The following SAMSN1 variants were observed in gnomAD, a reference collection of about 807,000 sequenced individuals.
SAMSN1 encodes SAM domain, SH3 domain and nuclear localization signals 1, also known as SAM domain-containing protein SAMSN-1.
SAMSN1 carries 31 observed loss-of-function variants against 42.0 expected under a neutral mutation model. That is an observed-to-expected ratio of 0.74 (90% CI 0.55 to 1.00). The LOEUF (loss-of-function observed/expected upper bound fraction) is 1.00. Ranked by LOEUF, SAMSN1 falls within the 50% of genes least tolerant of loss-of-function variation. SAMSN1 has a pLI of 0.00. For missense variants in SAMSN1, 464 were observed against 439.4 expected (o/e 1.06, Z -0.50); for synonymous variants, 178 against 151.9 (o/e 1.17, Z -1.26).
intron 1 of SAMSN1, among the ~76,000 whole-genome samples, chr21:14,654,175 G>A (rs554816343): frequency 6.6e-6 from 1 of 151,920 alleles, no homozygotes; most frequent in South Asian, 2.1e-4. Flanking sequence ...AAAGAGAGAG[G>A]TAGACAGTAT....
At chr21:14,589,766 T>A (rs1982024097) in intron 7 of SAMSN1, among the ~76,000 whole-genome samples, 1 of 151,930 alleles carries the variant, frequency 6.6e-6, no homozygotes, top group African/African-American at 2.4e-5. Flanking sequence ...TTGAATGAAG[T>A]AAAAAACAAA....
intron 2 of SAMSN1, among the ~76,000 whole-genome samples, chr21:14,578,824 T>C (rs1981597868): frequency 6.6e-6 from 1 of 151,956 alleles, no homozygotes; most frequent in Non-Finnish European, 1.5e-5. Context: ...CATATCTGCA[T>C]ATCTTGGCAC....
At chr21:14,601,786 T>C (rs1182685863) in intron 6 of SAMSN1, among the ~76,000 whole-genome samples, 3 of 152,224 alleles carry the variant, frequency 2.0e-5, no homozygotes, top group Non-Finnish European at 2.9e-5. Context: ...CAAAAGGCTG[T>C]ACAACATGAT....
intron 2 of SAMSN1, among the ~76,000 whole-genome samples, chr21:14,581,525 A>AT (rs1362770168): frequency 6.7e-6 from 1 of 149,930 alleles, no homozygotes; most frequent in African/African-American, 2.4e-5. Context: ...CGCCCGGCTA[A>AT]TTTTTTTGTA....
chr21:14,520,111 C>A (rs1358000223), intron 2 of SAMSN1, among the ~76,000 whole-genome samples: 1 of 152,142 alleles, frequency 6.6e-6, no homozygotes, highest in Non-Finnish European at 1.5e-5. Flanking sequence ...CTTATTTCAT[C>A]GTGAGTGCTC....
At chr21:14,529,704 T>C (rs1237733914) in intron 1 of SAMSN1, among the ~76,000 whole-genome samples, 1 of 152,132 alleles carries the variant, frequency 6.6e-6, no homozygotes, top group African/African-American at 2.4e-5. Flanking sequence ...TACACAAATA[T>C]AGAATCAATT....
At chr21:14,578,546 G>T (rs925862411) in intron 2 of SAMSN1, among the ~76,000 whole-genome samples, 1 of 151,918 alleles carries the variant, frequency 6.6e-6, no homozygotes, top group African/African-American at 2.4e-5. Flanking sequence ...AGCCGGGCAT[G>T]GTGGCGGGCA....
At chr21:14,602,706 A>C (rs1982467601) in intron 5 of SAMSN1, among the ~76,000 whole-genome samples, 1 of 152,208 alleles carries the variant, frequency 6.6e-6, no homozygotes. Context: ...ACAAGACTTT[A>C]TGGGTCACTT....
intron 7 of SAMSN1, among the ~76,000 whole-genome samples, chr21:14,494,437 A>G (rs1986824586): frequency 6.6e-6 from 1 of 152,186 alleles, no homozygotes; most frequent in African/African-American, 2.4e-5. Context: ...GGAAACCATC[A>G]TTCTCAGCAA....
intron 2 of SAMSN1, among the ~76,000 whole-genome samples, chr21:14,578,704 A>AC (rs1981590542): frequency 3.3e-4 from 1 of 3,014 alleles, no homozygotes; most frequent in East Asian, 6.3e-3. Flanking sequence ...AAAAAAAAAA[A>AC]AGACCCCAAG....
At chr21:14,518,182 G>GGAATAT (rs2123021599) in intron 2 of SAMSN1, among the ~76,000 whole-genome samples, 1 of 152,278 alleles carries the variant, frequency 6.6e-6, no homozygotes, top group South Asian at 2.1e-4. Flanking sequence ...TCATATAATA[G>GGAATAT]GAGAGTAATT....
Position 14,485,986 on chromosome 21 carries a change from C to A in SAMSN1, c.1048G>T (p.Gly350Cys). 6.2e-7 allele frequency: 1 copy of A among 1,613,632 alleles called. No individual in the cohort carries two copies. ...CYISSGNSDNGKEDLESENLS... is the reference protein window; with the variant it reads ...CYISSGNSDNCKEDLESENLS... ...TTTTCAGACTCCAGATCCTCTTTGC[C>A]ATTATCTGAATTTCCTGATGAGATA... Residue 350 changes from glycine (G) to cysteine (C), a missense_variant, in exon 8 of 8, where the codon GGC becomes TGC. Transcript: ENST00000400566.
intron 1 of SAMSN1, among the ~76,000 whole-genome samples, chr21:14,528,092 T>G (rs894489371): frequency 1.3e-5 from 2 of 152,176 alleles, no homozygotes; most frequent in Non-Finnish European, 2.9e-5. Flanking sequence ...AGAATTGGTA[T>G]AATCAATTCT....
chr21:14,498,708 C>A (rs967575971), intron 6 of SAMSN1, 116 bp from the exon 7 acceptor site: 14 of 701,300 alleles, frequency 2.0e-5, no homozygotes, highest in Non-Finnish European at 2.6e-5. Context: ...GCCAATAGAA[C>A]TTTTACTTAA....
At chr21:14,577,272 A>ATT (rs1981527925) in intron 2 of SAMSN1, among the ~76,000 whole-genome samples, 1 of 49,602 alleles carries the variant, frequency 2.0e-5, no homozygotes, top group African/African-American at 1.2e-4. Flanking sequence ...ATATATATAT[A>ATT]TATATATATA....
chr21:14,537,236 T>C, intron 1 of SAMSN1, among the ~76,000 whole-genome samples: 1 of 152,202 alleles, frequency 6.6e-6, no homozygotes, highest in Non-Finnish European at 1.5e-5. Context: ...TTGCACTTGC[T>C]CTTCCCTCTG....
intron 5 of SAMSN1, among the ~76,000 whole-genome samples, chr21:14,509,953 C>A (rs1242652043): frequency 6.6e-6 from 1 of 151,952 alleles, no homozygotes; most frequent in African/African-American, 2.4e-5. Context: ...TCCTGGCTAA[C>A]ACGGTGAAAC....
At chr21:14,632,758 A>G (rs1171501896) in intron 2 of SAMSN1, among the ~76,000 whole-genome samples, 1 of 152,174 alleles carries the variant, frequency 6.6e-6, no homozygotes, top group Non-Finnish European at 1.5e-5. Flanking sequence ...TTAAGGTTTC[A>G]TCTGAAGGTT....
At chr21:14,609,895 C>T (rs536931819) in intron 4 of SAMSN1, among the ~76,000 whole-genome samples, 2 of 152,350 alleles carry the variant, frequency 1.3e-5, no homozygotes, top group African/African-American at 4.8e-5. Flanking sequence ...ACACTTATCA[C>T]TTCCCCAATC....
Sources: gnomAD v4.1 joint callset for allele counts (sites outside exome capture counted in the v4.1 genomes callset) on GRCh38, gnomAD v4.1.1 for gene constraint, MANE v1.5 for transcripts, NCBI Gene and HGNC (gene_info 2026-07-23, HGNC 2026-07-21) for gene names.